Variants in SENP1 observed in about 807,000 individuals in gnomAD.
The protein encoded by SENP1 is sentrin-specific protease 1.
A neutral mutation model predicts 93.0 loss-of-function variants in SENP1; 21 were observed. The observed-to-expected ratio is 0.23, with a 90% CI of 0.16 to 0.33. The LOEUF is 0.33. Ranked by LOEUF, SENP1 falls within the 10% of genes least tolerant of loss-of-function variation. The probability of loss-of-function intolerance (pLI) is 1.00; values close to 1 mark genes in which losing one functional copy is unlikely to be tolerated. For missense variants in SENP1, 591 were observed against 758.7 expected (o/e 0.78, Z 2.60); for synonymous variants, 256 against 259.6 (o/e 0.99, Z 0.13).
At chr12:48,093,317 T>C (rs1296738689) in intron 4 of SENP1, among the ~76,000 whole-genome samples, 1 of 139,294 alleles carries the variant, frequency 7.2e-6, no homozygotes, top group Non-Finnish European at 1.5e-5. Context: ...GGAGTCTCAC[T>C]GTGTCGCCCA....
At chr12:48,081,895 G>T (rs1012334637) in intron 6 of SENP1, among the ~76,000 whole-genome samples, 8 of 147,686 alleles carry the variant, frequency 5.4e-5, no homozygotes, top group East Asian at 4.1e-4. Context: ...AACTTTTTTT[G>T]TTGTTGTTGT....
intron 4 of SENP1, among the ~76,000 whole-genome samples, chr12:48,091,484 T>C (rs1309566904): frequency 6.6e-6 from 1 of 151,900 alleles, no homozygotes; most frequent in Admixed American, 6.6e-5. Flanking sequence ...AGCTAACTAC[T>C]TACTATGAAA....
At position 48,103,715 on chromosome 12, in the gene SENP1, T is replaced by TG. The variant is rs551507954; in HGVS notation, c.-44-2200_-44-2199insC. 1.7e-3 allele frequency among the ~76,000 whole-genome samples: 262 copies of TG among 152,316 alleles called. 1 individual carries two copies. Among genetic ancestry groups the TG allele is most frequent in the African/African-American group, 6.2e-3 (256 of 41,574 alleles). Reference sequence around the variant, plus strand: ...TAATTCATTTCCTAGTATACACTGGTCATGTAATTTACTGAAAGAACATAA... The same window carrying TG: ...TAATTCATTTCCTAGTATACACTGGTGCATGTAATTTACTGAAAGAACATAA... On this transcript the variant is annotated intron_variant, in intron 1 of 17. Transcript: ENST00000549518.
intron 6 of SENP1, among the ~76,000 whole-genome samples, chr12:48,080,717 CTGA>C (rs1944437134): frequency 6.6e-6 from 1 of 152,130 alleles, no homozygotes; most frequent in Admixed American, 6.5e-5. Context: ...TGTTGAAAGT[CTGA>C]TAATAAAGTT....
At chr12:48,105,847 C>G in intron 1 of SENP1, 181 bp downstream of exon 1, 1 of 599,880 alleles carries the variant, frequency 1.7e-6, no homozygotes, top group South Asian at 2.0e-5. Flanking sequence ...AGCGCGGCCA[C>G]CGGACAGCAG....
intron 11 of SENP1, 54 bp downstream of exon 11, chr12:48,065,542 T>C (rs534353269): frequency 1.6e-6 from 2 of 1,233,286 alleles, no homozygotes; most frequent in East Asian, 5.1e-5. Flanking sequence ...TCCAAAATAG[T>C]TTCTACTTTG....
intron 6 of SENP1, among the ~76,000 whole-genome samples, chr12:48,081,043 A>T (rs993822287): frequency 2.0e-5 from 3 of 152,112 alleles, no homozygotes; most frequent in Non-Finnish European, 2.9e-5. Context: ...TGGTCCACAG[A>T]GCTGGTGGGT....
At chr12:48,092,471 C>T (rs1325302847) in intron 4 of SENP1, among the ~76,000 whole-genome samples, 1 of 152,138 alleles carries the variant, frequency 6.6e-6, no homozygotes, top group African/African-American at 2.4e-5. Context: ...CTGACGTTCA[C>T]AGATTTAAAT....
chr12:48,079,582 T>C (rs1309531686), intron 6 of SENP1, among the ~76,000 whole-genome samples: 3 of 152,176 alleles, frequency 2.0e-5, no homozygotes, highest in Admixed American at 1.3e-4. Flanking sequence ...CTAGCTAATG[T>C]TACGTTTTAA....
chr12:48,099,610 A>C (rs1945786888), intron 2 of SENP1, among the ~76,000 whole-genome samples: 1 of 152,142 alleles, frequency 6.6e-6, no homozygotes, highest in African/African-American at 2.4e-5. Flanking sequence ...ACTTGAGGCC[A>C]GGAGTTTGAG....
At chr12:48,062,663 G>C (rs1943034370) in intron 13 of SENP1, among the ~76,000 whole-genome samples, 1 of 152,088 alleles carries the variant, frequency 6.6e-6, no homozygotes, top group South Asian at 2.1e-4. Flanking sequence ...CCAATGCTTG[G>C]GTCTTAATCT....
At chr12:48,084,119 T>A (rs1944672031) in intron 5 of SENP1, among the ~76,000 whole-genome samples, 1 of 152,206 alleles carries the variant, frequency 6.6e-6, no homozygotes, top group Admixed American at 6.5e-5. Flanking sequence ...TAACAACACA[T>A]ACATTTTCTA....
chr12:48,101,106 C>T (rs1412148367), intron 2 of SENP1, among the ~76,000 whole-genome samples: 3 of 151,998 alleles, frequency 2.0e-5, no homozygotes, highest in Admixed American at 6.5e-5. Context: ...GCCAACATGG[C>T]GAAACCCCGT....
rs759906603 is a variant in SENP1, at chr12:48,097,952, C to T, written c.135+42G>A. On this transcript the variant is annotated intron_variant, in intron 3 of 17. Coordinates refer to ENST00000549518, the MANE Select transcript of SENP1 (RefSeq NM_001267594.2). ...ACATAAGATGAAAACTTATGATGAG[C>T]CCAAATAATTAATTAATTAAAGGAA... 5 of 1,577,754 alleles carry T rather than the reference C, an allele frequency of 3.2e-6. No homozygotes were observed. The East Asian group carries it at 6.8e-5, about 21-fold the overall frequency.
chr12:48,055,818 AAT>A (rs964268899), intron 13 of SENP1, among the ~76,000 whole-genome samples: 85 of 145,056 alleles, frequency 5.9e-4, no homozygotes, highest in African/African-American at 2.1e-3. Flanking sequence ...ATATCATATT[AAT>A]ATATATTTTA....
chr12:48,093,280 GTTT>G (rs374804144), intron 4 of SENP1, among the ~76,000 whole-genome samples: 5 of 126,500 alleles, frequency 4.0e-5, no homozygotes, highest in African/African-American at 9.0e-5. Context: ...TTCAGGTGAG[GTTT>G]TTTTTTTTTT....
intron 4 of SENP1, among the ~76,000 whole-genome samples, chr12:48,091,385 G>C (rs1285518762): frequency 6.6e-6 from 1 of 152,018 alleles, no homozygotes; most frequent in Admixed American, 6.6e-5. Context: ...GGGAGGCAGA[G>C]GTTGCTGTGA....
intron 4 of SENP1, among the ~76,000 whole-genome samples, chr12:48,093,663 T>C (rs1031862614): frequency 6.8e-6 from 1 of 147,702 alleles, no homozygotes; most frequent in African/African-American, 2.5e-5. Context: ...GAATTGCACA[T>C]AAGGGACTGT....
chr12:48,071,591 G>T, intron 9 of SENP1, 76 bp downstream of exon 9: 1 of 1,051,518 alleles, frequency 9.5e-7, no homozygotes, highest in Non-Finnish European at 1.4e-6. Context: ...ACTCCAGCCT[G>T]GGCAACAGAG....
Sources: allele counts gnomAD v4.1 joint callset (sites outside exome capture counted in the v4.1 genomes callset), GRCh38; gene constraint gnomAD v4.1.1; transcripts MANE v1.5; gene names NCBI Gene and HGNC (gene_info 2026-07-23, HGNC 2026-07-21).